DPP6: variants seen among roughly 807,000 people sequenced by gnomAD.
DPP6 encodes the protein dipeptidyl peptidase like 6.
DPP6 carries 69 observed loss-of-function variants against 122.6 expected under a neutral mutation model. That is an observed-to-expected ratio of 0.56 (90% CI 0.46 to 0.69). DPP6 has a LOEUF of 0.69. Among genes scored for constraint, DPP6 ranks in the 30% least tolerant of loss-of-function variants. The pLI, the probability that DPP6 is intolerant of heterozygous loss-of-function variation, is 0.00. For synonymous variants in DPP6, 418 were observed against 433.1 expected (o/e 0.97, Z 0.43); for missense variants, 928 against 1,116.9 (o/e 0.83, Z 2.41).
chr7:154,691,745 G>A (rs1222977496), intron 7 of DPP6, among the ~76,000 whole-genome samples: 5 of 152,144 alleles, frequency 3.3e-5, no homozygotes, highest in Non-Finnish European at 7.3e-5. Flanking sequence ...CTTGTGCCCG[G>A]GAGGTGGAGG....
At chr7:154,010,764 T>G (rs1338050507) in intron 1 of DPP6, among the ~76,000 whole-genome samples, 1 of 152,218 alleles carries the variant, frequency 6.6e-6, no homozygotes, top group Admixed American at 6.5e-5. Context: ...AGTTTGGAAA[T>G]TTTTATAAAA....
At chr7:153,905,327 G>A (rs949550663) in intron 1 of DPP6, among the ~76,000 whole-genome samples, 1 of 152,092 alleles carries the variant, frequency 6.6e-6, no homozygotes, top group Non-Finnish European at 1.5e-5. Flanking sequence ...AAAATGAGGG[G>A]CCAGAAACAG....
intron 1 of DPP6, among the ~76,000 whole-genome samples, chr7:154,361,871 A>G (rs1023228274): frequency 3.9e-5 from 6 of 152,236 alleles, no homozygotes; most frequent in African/African-American, 9.7e-5. Context: ...AACTTGCCCA[A>G]AGTCATAGAG....
the DPP6 span, among the ~76,000 whole-genome samples, chr7:153,863,710 A>AGCAGTC: frequency 2.6e-5 from 4 of 152,140 alleles, no homozygotes; most frequent in Non-Finnish European, 5.9e-5. Flanking sequence ...TATGCATATT[A>AGCAGTC]GCAGTCACTC....
rs948152922 is a variant in DPP6 at position 154,036,686 on chromosome 7, C to T, written c.51+148952C>T. On this transcript the variant is annotated intron_variant, in intron 1 of 25. Coordinates refer to the DPP6 transcript ENST00000404039. ...CAGATGGACCACTTCGCATTTTACC[C>T]GTTCAAGCAAGGGGTATTTTTCTTC... Among the ~76,000 whole-genome samples the T allele has an allele frequency of 1.0e-3, 158 of 151,848 alleles. 1 individual carries two copies. Among genetic ancestry groups the T allele is most frequent in the African/African-American group, 3.6e-3 (147 of 41,326 alleles).
upstream of DPP6, among the ~76,000 whole-genome samples, chr7:153,886,253 C>T (rs1374871656): frequency 6.6e-6 from 1 of 152,114 alleles, no homozygotes; most frequent in Non-Finnish European, 1.5e-5. Context: ...TGGGAGCGCG[C>T]ATCTGTGTGT....
At chr7:154,504,656 A>G (rs1264198467) in intron 3 of DPP6, among the ~76,000 whole-genome samples, 2 of 152,302 alleles carry the variant, frequency 1.3e-5, no homozygotes, top group South Asian at 2.1e-4. Context: ...GCTCAATACC[A>G]TATTCCTCAA....
intron 1 of DPP6, among the ~76,000 whole-genome samples, chr7:154,079,650 GTGT>G (rs1328997986): frequency 6.6e-6 from 1 of 152,056 alleles, no homozygotes; most frequent in African/African-American, 2.4e-5. Context: ...TGCTGGGGAA[GTGT>G]TGTGGGCAGA....
At chr7:154,215,445 G>A (rs1053180550) in intron 1 of DPP6, among the ~76,000 whole-genome samples, 2 of 152,180 alleles carry the variant, frequency 1.3e-5, no homozygotes, top group African/African-American at 4.8e-5. Flanking sequence ...CTGAGAAACA[G>A]TTGAGAGGCT....
At chr7:154,779,073 C>CCACAACCACCACCACCAT (rs1207542097) in intron 10 of DPP6, among the ~76,000 whole-genome samples, 32 of 151,140 alleles carry the variant, frequency 2.1e-4, no homozygotes, top group Non-Finnish European at 3.4e-4. Flanking sequence ...ACCATCACCT[C>CCACAACCACCACCACCAT]CATCACCTCC....
rs75906123 is a variant in DPP6 at position 154,741,132 on chromosome 7, C to G, written c.883+13245C>G. 3.9e-3 allele frequency among the ~76,000 whole-genome samples: 597 copies of G among 152,322 alleles called. 4 individuals carry two copies. Among genetic ancestry groups the G allele is most frequent in the Middle Eastern group, 0.017 (5 of 294 alleles). On this transcript the variant is annotated intron_variant, in intron 8 of 25. Coordinates refer to ENST00000377770, the MANE Select transcript of DPP6 (RefSeq NM_130797.4). ...GGATGCGAGGAGTCAGATTTCAGGTCAGTTGCTCTTCCCCAGCCTTCAAGC... is the reference window on the plus strand; with the variant it reads ...GGATGCGAGGAGTCAGATTTCAGGTGAGTTGCTCTTCCCCAGCCTTCAAGC...
intron 12 of DPP6, among the ~76,000 whole-genome samples, 176 bp from the exon 13 acceptor site, chr7:154,801,179 G>T (rs1297378620): frequency 6.6e-6 from 1 of 152,016 alleles, no homozygotes; most frequent in Non-Finnish European, 1.5e-5. Context: ...AAACGTAACA[G>T]TTGACTCATG....
intron 1 of DPP6, among the ~76,000 whole-genome samples, chr7:154,085,585 G>A (rs959755879): frequency 6.6e-6 from 1 of 152,132 alleles, no homozygotes; most frequent in Non-Finnish European, 1.5e-5. Flanking sequence ...TGTTGTTTAT[G>A]TCGAGTCCCA....
intron 6 of DPP6, among the ~76,000 whole-genome samples, chr7:154,666,186 T>C (rs1283050514): frequency 1.1e-4 from 1 of 9,278 alleles, no homozygotes; most frequent in East Asian, 6.0e-3. Context: ...TATGTGTGTA[T>C]ATATATATAT....
intron 1 of DPP6, among the ~76,000 whole-genome samples, chr7:154,285,897 A>G (rs1804818410): frequency 6.6e-6 from 1 of 152,220 alleles, no homozygotes; most frequent in Non-Finnish European, 1.5e-5. Flanking sequence ...CGTGTTTTTC[A>G]TTCTGACAAC....
the DPP6 span, among the ~76,000 whole-genome samples, chr7:153,856,758 G>T: frequency 6.6e-6 from 1 of 152,122 alleles, no homozygotes; most frequent in African/African-American, 2.4e-5. Context: ...GACTCATAAT[G>T]GCATAATATG....
intron 8 of DPP6, among the ~76,000 whole-genome samples, chr7:154,737,527 G>A (rs989404294): frequency 5.9e-5 from 9 of 152,120 alleles, no homozygotes; most frequent in Non-Finnish European, 1.2e-4. Flanking sequence ...TGCATTTGGT[G>A]GGAGGGTCTA....
At chr7:154,286,773 A>G (rs2150958765) in intron 1 of DPP6, among the ~76,000 whole-genome samples, 1 of 147,164 alleles carries the variant, frequency 6.8e-6, no homozygotes, top group South Asian at 2.2e-4. Context: ...CATTGTTAAC[A>G]CCAGCACCAG....
intron 1 of DPP6, among the ~76,000 whole-genome samples, chr7:154,376,262 T>G (rs1237119077): frequency 6.6e-6 from 1 of 152,222 alleles, no homozygotes; most frequent in African/African-American, 2.4e-5. Flanking sequence ...GTAATTGTGC[T>G]GGAAGGACTG....
Sources: gnomAD v4.1 joint callset for allele counts (sites outside exome capture counted in the v4.1 genomes callset) on GRCh38, gnomAD v4.1.1 for gene constraint, MANE v1.5 for transcripts, NCBI Gene and HGNC (gene_info 2026-07-23, HGNC 2026-07-21) for gene names.